Variants in CLSTN2 observed in about 807,000 individuals in gnomAD.
CLSTN2 encodes the protein calsyntenin 2, also known as calsyntenin-2.
Under a neutral mutation model 101.2 loss-of-function variants are expected in CLSTN2, and 48 were observed. The observed-to-expected ratio is 0.47, with a 90% confidence interval of 0.38 to 0.60. The LOEUF is 0.60. Among genes scored for constraint, CLSTN2 ranks in the 20% least tolerant of loss-of-function variants. The pLI is 0.00. For missense variants in CLSTN2, 1,160 were observed against 1,238.2 expected, an observed-to-expected ratio of 0.94 and a Z score of 0.95; for synonymous variants, 481 against 463.6, an observed-to-expected ratio of 1.04 and a Z score of -0.48.
In CLSTN2 at chr3:140,566,178, G is replaced by A; in HGVS notation, c.2793G>A (p.Met931Ile). The change falls in exon 17 of 17, where the codon ATG becomes ATA. Residue 931 changes from methionine to isoleucine, a missense_variant. By Grantham distance (10) the Met-to-Ile change is conservative. Coordinates refer to ENST00000458420, the MANE Select transcript of CLSTN2 (RefSeq NM_022131.3). ...DSEEEEEEEG[M>I]GRGRHGQNGA... is the part of the protein sequence containing the mutation. ...AAGAGGAGGAGGAGGAGGAAGGGATGGGCAGAGGCAGACATGGGCAGAATG... is the reference window on the plus strand; with the variant it reads ...AAGAGGAGGAGGAGGAGGAAGGGATAGGCAGAGGCAGACATGGGCAGAATG... The A allele has an allele frequency of 1.2e-6, 2 of 1,611,106 alleles. No homozygotes were observed. Among genetic ancestry groups the A allele is most frequent in the Non-Finnish European group, 1.7e-6 (2 of 1,178,632 alleles).
chr3:140,236,375 T>C, intron 2 of CLSTN2, among the ~76,000 whole-genome samples: 1 of 152,222 alleles, frequency 6.6e-6, no homozygotes, highest in East Asian at 1.9e-4. Context: ...TCTTAGTTTA[T>C]GTGTAATTTG....
chr3:140,058,971 G>C (rs1167087216), intron 1 of CLSTN2, among the ~76,000 whole-genome samples: 6 of 152,302 alleles, frequency 3.9e-5, no homozygotes, highest in Admixed American at 2.6e-4. Flanking sequence ...AGGATAAGAA[G>C]CTATGGAGGA....
intron 2 of CLSTN2, among the ~76,000 whole-genome samples, chr3:140,235,749 A>G (rs1385018252): frequency 1.3e-5 from 2 of 152,192 alleles, no homozygotes; most frequent in Non-Finnish European, 2.9e-5. Context: ...GTTCATAAAC[A>G]TTCTCCTACT....
Position 140,532,405 on chromosome 3 carries a change from G to A in CLSTN2, c.1426G>A (p.Glu476Lys). The part of the protein sequence containing the change: ...VTLYMDGATY[E>K]PYLVTNDWPI... ...CTTATACATGGATGGAGCAACATAT[G>A]AACCATACCTGGTGACCAACGACTG... Residue 476 changes from glutamate (E) to lysine (K), a missense_variant, in exon 9 of 17, where the codon GAA becomes AAA. Transcript: ENST00000458420. 2 of 1,613,934 alleles carry A rather than the reference G, an allele frequency of 1.2e-6. No homozygotes were observed. Among genetic ancestry groups the A allele is most frequent in the Non-Finnish European group, 1.7e-6 (2 of 1,179,880 alleles).
chr3:140,201,279 C>A (rs2010715093), intron 2 of CLSTN2, among the ~76,000 whole-genome samples: 1 of 152,086 alleles, frequency 6.6e-6, no homozygotes, highest in African/African-American at 2.4e-5. Context: ...ATGACTAGGT[C>A]TCAGGGGCTG....
intron 1 of CLSTN2, among the ~76,000 whole-genome samples, chr3:139,953,757 T>C (rs906797847): frequency 2.0e-5 from 3 of 152,200 alleles, no homozygotes; most frequent in African/African-American, 7.2e-5. Context: ...AACTTGCTTC[T>C]AGCCTTTACT....
intron 2 of CLSTN2, among the ~76,000 whole-genome samples, chr3:140,336,709 G>A (rs1174611069): frequency 2.6e-5 from 4 of 152,168 alleles, no homozygotes; most frequent in Non-Finnish European, 5.9e-5. Context: ...AAAACCAACT[G>A]CTTTCAATGT....
Position 140,255,577 on chromosome 3 carries a change from G to T in CLSTN2, c.232+79504G>T, listed in dbSNP as rs184534936. 2.1e-3 allele frequency among the ~76,000 whole-genome samples: 314 copies of T among 152,250 alleles called. 1 individual carries two copies. Among genetic ancestry groups the T allele is most frequent in the African/African-American group, 6.7e-3 (280 of 41,564 alleles). On this transcript the variant is annotated intron_variant, in intron 2 of 16. Transcript: ENST00000458420. ...TTGAGTACACGTAGACACAAAGAAG[G>T]CAGCAATAGACACTGGGACCTACTT...
At chr3:140,314,533 T>C (rs1211103511) in intron 2 of CLSTN2, among the ~76,000 whole-genome samples, 2 of 152,126 alleles carry the variant, frequency 1.3e-5, no homozygotes, top group Admixed American at 1.3e-4. Context: ...TAGAGTTAGA[T>C]GCTCTCCTCT....
At chr3:140,339,713 A>G (rs1242361262) in intron 2 of CLSTN2, among the ~76,000 whole-genome samples, 1 of 152,204 alleles carries the variant, frequency 6.6e-6, no homozygotes, top group Non-Finnish European at 1.5e-5. Context: ...GTACACATAG[A>G]GCCACAGATA....
At chr3:140,519,884 T>C (rs1934992725) in intron 8 of CLSTN2, among the ~76,000 whole-genome samples, 1 of 152,246 alleles carries the variant, frequency 6.6e-6, no homozygotes, top group South Asian at 2.1e-4. Context: ...GACTCGTTTA[T>C]GTGGTTGCTT....
intron 1 of CLSTN2, among the ~76,000 whole-genome samples, chr3:140,035,480 G>C (rs1295164607): frequency 6.6e-6 from 1 of 152,228 alleles, no homozygotes; most frequent in Non-Finnish European, 1.5e-5. Context: ...AAGAGCATCA[G>C]GGACTGTTAG....
intron 1 of CLSTN2, among the ~76,000 whole-genome samples, chr3:139,972,159 G>A (rs1368254817): frequency 6.6e-6 from 1 of 152,128 alleles, no homozygotes; most frequent in Non-Finnish European, 1.5e-5. Context: ...AGCTACTTGG[G>A]AGGCTGAGGC....
intron 8 of CLSTN2, among the ~76,000 whole-genome samples, chr3:140,490,314 C>T (rs1934328672): frequency 6.6e-6 from 1 of 150,576 alleles, no homozygotes; most frequent in African/African-American, 2.4e-5. Context: ...GGATCCCTTC[C>T]TATTGGAGTC....
chr3:140,309,192 G>A (rs2087141249), intron 2 of CLSTN2, among the ~76,000 whole-genome samples: 1 of 152,168 alleles, frequency 6.6e-6, no homozygotes, highest in African/African-American at 2.4e-5. Context: ...CAAAGCAGAA[G>A]TATAGGGTCC....
intron 1 of CLSTN2, among the ~76,000 whole-genome samples, chr3:140,007,613 A>G (rs1214337525): frequency 6.6e-6 from 1 of 152,208 alleles, no homozygotes; most frequent in Non-Finnish European, 1.5e-5. Context: ...TGGGGATTCC[A>G]TCCACCATCC....
chr3:140,287,229 G>A (rs574725013), intron 2 of CLSTN2, among the ~76,000 whole-genome samples: 23 of 152,244 alleles, frequency 1.5e-4, no homozygotes, highest in African/African-American at 5.5e-4. Context: ...ATACAACACG[G>A]ATGAATCTCA....
intron 2 of CLSTN2, among the ~76,000 whole-genome samples, chr3:140,272,653 G>A (rs1487544700): frequency 1.3e-5 from 2 of 152,218 alleles, no homozygotes; most frequent in Non-Finnish European, 2.9e-5. Flanking sequence ...TTGGGAGGCT[G>A]AGGCAGGAGA....
At chr3:140,123,763 C>A (rs2107800490) in intron 1 of CLSTN2, among the ~76,000 whole-genome samples, 1 of 151,942 alleles carries the variant, frequency 6.6e-6, no homozygotes, top group Non-Finnish European at 1.5e-5. Flanking sequence ...CTCACATGGA[C>A]TTTCCTCAGT....
Sources: gnomAD v4.1 joint callset for allele counts (sites outside exome capture counted in the v4.1 genomes callset) on GRCh38, gnomAD v4.1.1 for gene constraint, MANE v1.5 for transcripts, NCBI Gene and HGNC (gene_info 2026-07-23, HGNC 2026-07-21) for gene names.